ANAPC10: variants seen among roughly 807,000 people sequenced by gnomAD.
ANAPC10 encodes anaphase promoting complex subunit 10.
A neutral mutation model predicts 22.0 loss-of-function variants in ANAPC10; 12 were observed. The observed-to-expected ratio is 0.55, with a 90% CI of 0.35 to 0.88. The LOEUF (loss-of-function observed/expected upper bound fraction) is 0.88, where lower values mean the gene tolerates loss of function less well. Ranked by LOEUF, ANAPC10 falls within the 40% of genes least tolerant of loss-of-function variation. The pLI is 0.01. For missense variants in ANAPC10, 188 were observed against 220.9 expected, an observed-to-expected ratio of 0.85 and a Z score of 0.94; for synonymous variants, 65 against 69.5, an observed-to-expected ratio of 0.94 and a Z score of 0.32.
chr4:145,080,169 G>C (rs986904376), intron 3 of ANAPC10, among the ~76,000 whole-genome samples: 1 of 142,306 alleles, frequency 7.0e-6, no homozygotes, highest in Admixed American at 7.0e-5. Flanking sequence ...ATACAAAATA[G>C]GGAACAATAG....
intron 3 of ANAPC10, among the ~76,000 whole-genome samples, chr4:145,077,571 A>T (rs1352944531): frequency 1.3e-5 from 2 of 152,176 alleles, no homozygotes; most frequent in Admixed American, 6.5e-5. Context: ...CCAGTAAAAG[A>T]AGAAACCTCA....
intron 3 of ANAPC10, among the ~76,000 whole-genome samples, chr4:145,075,867 C>T (rs1745124276): frequency 6.6e-6 from 1 of 152,146 alleles, no homozygotes; most frequent in African/African-American, 2.4e-5. Flanking sequence ...GGATGCCTGT[C>T]CCTTAAGGCT....
At chr4:145,015,141 G>A (rs935284504) in intron 4 of ANAPC10, among the ~76,000 whole-genome samples, 8 of 151,874 alleles carry the variant, frequency 5.3e-5, no homozygotes, top group East Asian at 1.9e-4. Flanking sequence ...AAGCTATTTC[G>A]AGAGGCACCA....
At chr4:145,087,873 C>T (rs1747122513) in intron 2 of ANAPC10, among the ~76,000 whole-genome samples, 1 of 151,934 alleles carries the variant, frequency 6.6e-6, no homozygotes, top group Non-Finnish European at 1.5e-5. Flanking sequence ...ATGGTGAAAC[C>T]CTGTCTAAAC....
chr4:145,035,735 T>C (rs1051189226), intron 4 of ANAPC10, among the ~76,000 whole-genome samples: 7 of 152,324 alleles, frequency 4.6e-5, no homozygotes, highest in African/African-American at 1.7e-4. Context: ...CACTTTCAAC[T>C]TCCTGCCCTA....
intron 4 of ANAPC10, among the ~76,000 whole-genome samples, chr4:145,024,558 A>T (rs1736392873): frequency 1.3e-5 from 2 of 152,208 alleles, no homozygotes; most frequent in African/African-American, 4.8e-5. Context: ...GACTAGGTAC[A>T]TTGTCAATGA....
intron 4 of ANAPC10, among the ~76,000 whole-genome samples, chr4:145,005,930 G>T (rs1733272717): frequency 6.6e-6 from 1 of 152,128 alleles, no homozygotes; most frequent in South Asian, 2.1e-4. Flanking sequence ...TGTATATTCT[G>T]CTGTTTTGGA....
At chr4:145,091,935 G>A (rs1206198298) in intron 2 of ANAPC10, among the ~76,000 whole-genome samples, 1 of 152,128 alleles carries the variant, frequency 6.6e-6, no homozygotes, top group Non-Finnish European at 1.5e-5. Flanking sequence ...TTGAATAGGA[G>A]GGGCCAAAAT....
chr4:145,014,486 A>G (rs1054755223), intron 4 of ANAPC10, among the ~76,000 whole-genome samples: 4 of 151,958 alleles, frequency 2.6e-5, no homozygotes, highest in African/African-American at 7.3e-5. Context: ...CCCCTACCTG[A>G]TGGTCCTTCC....
intron 2 of ANAPC10, among the ~76,000 whole-genome samples, chr4:145,084,363 G>C (rs979184091): frequency 1.3e-4 from 20 of 152,180 alleles, no homozygotes; most frequent in Non-Finnish European, 1.5e-5. Flanking sequence ...ATAATGTCAT[G>C]AATCAAGAAA....
intron 4 of ANAPC10, among the ~76,000 whole-genome samples, chr4:145,056,904 T>C (rs1309973937): frequency 1.3e-5 from 2 of 152,070 alleles, no homozygotes; most frequent in Non-Finnish European, 2.9e-5. Context: ...AAATAAAGGG[T>C]TTTTAGATTT....
At position 144,995,537 on chromosome 4, in the gene ANAPC10, T is replaced by A; in HGVS notation, c.394A>T (p.Thr132Ser). 6.2e-7 allele frequency: 1 copy of A among 1,613,940 alleles called. No individual in the cohort carries two copies. The highest frequency in any genetic ancestry group is 8.5e-7 in the Non-Finnish European group (1 of 1,179,908). Reference protein sequence around the residue: ...VPLTDNHKKPTRTFMIQIAVL... With the variant: ...VPLTDNHKKPSRTFMIQIAVL... ...GCAATCTGTATCATGAATGTACGAG[T>A]TGGCTTCTTATGATTGTCAGTTAAG... Residue 132 changes from threonine (T) to serine (S), a missense_variant, in exon 5 of 5, where the codon ACT becomes TCT. Transcript: ENST00000507656.
upstream of ANAPC10, chr4:145,098,352 C>T (rs1342886349): frequency 6.6e-6 from 1 of 152,502 alleles, no homozygotes; most frequent in Non-Finnish European, 1.5e-5. Flanking sequence ...CGCTGTGTGG[C>T]TGAAAAGTGA....
intron 4 of ANAPC10, among the ~76,000 whole-genome samples, chr4:145,056,215 G>A (rs758370570): frequency 2.0e-5 from 3 of 152,190 alleles, no homozygotes; most frequent in Non-Finnish European, 4.4e-5. Context: ...ACAGGCTGCA[G>A]TAAAGAAGCT....
At chr4:145,039,426 G>T (rs1739157710) in intron 4 of ANAPC10, among the ~76,000 whole-genome samples, 1 of 152,182 alleles carries the variant, frequency 6.6e-6, no homozygotes, top group Non-Finnish European at 1.5e-5. Flanking sequence ...AAAGAGACAT[G>T]ATTAAGGCTG....
intron 4 of ANAPC10, 40 bp from the exon 5 acceptor site, chr4:144,995,643 C>T (rs747614417): frequency 1.3e-5 from 18 of 1,362,544 alleles, no homozygotes; most frequent in Non-Finnish European, 1.8e-5. Flanking sequence ...TTTTATTCAA[C>T]AAATATAATT....
intron 4 of ANAPC10, among the ~76,000 whole-genome samples, chr4:145,052,887 CAAAAA>C (rs11455853): frequency 1.0e-5 from 1 of 96,058 alleles, no homozygotes; most frequent in Non-Finnish European, 2.0e-5. Flanking sequence ...GACTCTGTCT[CAAAAA>C]AAAAAAAAAA....
intron 3 of ANAPC10, among the ~76,000 whole-genome samples, chr4:145,066,203 G>C (rs936956025): frequency 6.6e-6 from 1 of 152,058 alleles, no homozygotes; most frequent in African/African-American, 2.4e-5. Flanking sequence ...TCATTAGAAA[G>C]GAATAGGGAA....
Position 145,015,825 on chromosome 4 carries a change from C to A in ANAPC10, c.328-20222G>T, listed in dbSNP as rs896480071. 4.6e-5 allele frequency among the ~76,000 whole-genome samples: 7 copies of A among 152,138 alleles called. 1 individual carries two copies. The highest frequency in any genetic ancestry group is 7.2e-5 in the African/African-American group (3 of 41,410). On this transcript the variant is annotated intron_variant, in intron 4 of 4. Transcript: ENST00000507656. ...AAATTATCAGCCAAGAATTTTGTAT[C>A]CAGTGAAACTAAGCATCAAATATGA...
Sources: gnomAD v4.1 joint callset for allele counts (sites outside exome capture counted in the v4.1 genomes callset) on GRCh38, gnomAD v4.1.1 for gene constraint, MANE v1.5 for transcripts, NCBI Gene and HGNC (gene_info 2026-07-23, HGNC 2026-07-21) for gene names.